GALNT18: variants seen among roughly 807,000 people sequenced by gnomAD.
GALNT18 encodes the protein GalNAc-transferase 18.
A neutral mutation model predicts 69.5 loss-of-function variants in GALNT18; 44 were observed. The ratio of observed to expected loss-of-function variants is 0.63; its 90% confidence interval spans 0.50 to 0.81. The LOEUF is 0.81. Ranked by LOEUF, GALNT18 falls within the 40% of genes least tolerant of loss-of-function variation. The probability of loss-of-function intolerance (pLI) is 0.00; values close to 1 mark genes in which losing one functional copy is unlikely to be tolerated. For missense variants in GALNT18, 715 were observed against 810.0 expected, an observed-to-expected ratio of 0.88 and a Z score of 1.42; for synonymous variants, 364 against 318.2, an observed-to-expected ratio of 1.14 and a Z score of -1.53.
intron 1 of GALNT18, among the ~76,000 whole-genome samples, chr11:11,557,062 G>A (rs936636076): frequency 6.6e-6 from 1 of 152,114 alleles, no homozygotes; most frequent in Admixed American, 6.5e-5. Context: ...CTCAGGACAC[G>A]GGACACTGGA....
rs766859747 is a variant in GALNT18 at position 11,372,936 on chromosome 11, G to T, written c.978-307C>A. Among the ~76,000 whole-genome samples the T allele has an allele frequency of 1.3e-5, 2 of 152,040 alleles. No individual in the cohort carries two copies. The highest frequency in any genetic ancestry group is 1.3e-4 in the Admixed American group (2 of 15,256). On this transcript the variant is annotated intron_variant, in intron 5 of 10. Coordinates refer to ENST00000227756, the MANE Select transcript of GALNT18 (RefSeq NM_198516.3). This position sits in a 1 kb window ranked among gnomAD's most constrained non-coding sequence, Gnocchi z 4.9. ...CCAGTCTAGGTTGACTGTATCTCCC[G>T]CTGCCCTGACCCTGACCTCTGCACA...
Position 11,621,692 on chromosome 11 carries a change from T to G in GALNT18, c.-99A>C, listed in dbSNP as rs555101907. The G allele has an allele frequency of 1.2e-6, 1 of 867,204 alleles. No individual in the cohort carries two copies. The highest frequency in any genetic ancestry group is 1.8e-6 in the Non-Finnish European group (1 of 554,912). The allele number at this position is 867,204 out of a possible 1,614,324, so 53.7% of individuals were successfully genotyped here. On this transcript the variant is annotated 5_prime_UTR_variant, in exon 1 of 11. Coordinates refer to ENST00000227756, the MANE Select transcript of GALNT18 (RefSeq NM_198516.3). This position sits in a 1 kb window ranked among gnomAD's most constrained non-coding sequence, Gnocchi z 9.3. ...CACCCCGTAGCACGTCCGGAGCCGC[T>G]GGGCACCTCAGCACCTGAGTCCCGA...
At chr11:11,334,386 C>CA (rs1481271494) in intron 7 of GALNT18, among the ~76,000 whole-genome samples, 1 of 151,650 alleles carries the variant, frequency 6.6e-6, no homozygotes. Context: ...ACTAAAAATA[C>CA]AAAAAAATTA....
At chr11:11,449,716 C>T (rs1855749100) in intron 1 of GALNT18, among the ~76,000 whole-genome samples, 2 of 152,234 alleles carry the variant, frequency 1.3e-5, no homozygotes, top group African/African-American at 4.8e-5. Flanking sequence ...GTCGTGGATT[C>T]CAGTCAGTGC....
chr11:11,616,503 C>A lies in GALNT18; in HGVS notation c.235+4856G>T, dbSNP rs1860053783. 6.6e-6 allele frequency among the ~76,000 whole-genome samples: 1 copy of A among 152,194 alleles called. No homozygotes were observed. Among genetic ancestry groups the A allele is most frequent in the Admixed American group, 6.5e-5 (1 of 15,280 alleles). On this transcript the variant is annotated intron_variant, in intron 1 of 10. Coordinates refer to ENST00000227756, the MANE Select transcript of GALNT18 (RefSeq NM_198516.3). This position sits in a 1 kb window ranked among gnomAD's most constrained non-coding sequence, Gnocchi z 4.4. ...AGTGAGGTGAAGATGTTCATTTCTGCTCTAATTATAATAGCAAAACAAATG... is the reference window on the plus strand; with the variant it reads ...AGTGAGGTGAAGATGTTCATTTCTGATCTAATTATAATAGCAAAACAAATG...
At chr11:11,352,265 G>A (rs972110944) in intron 6 of GALNT18, 4 of 1,614,094 alleles carry the variant, frequency 2.5e-6, no homozygotes, top group African/African-American at 1.3e-5. Flanking sequence ...TTTCACTGTG[G>A]ACAAAGCGTT....
intron 10 of GALNT18, among the ~76,000 whole-genome samples, chr11:11,273,967 T>C (rs535502124): frequency 6.6e-6 from 1 of 152,280 alleles, no homozygotes; most frequent in Admixed American, 6.5e-5. Flanking sequence ...GATTTCTGCG[T>C]TTCCAACTGA....
chr11:11,395,885 C>T (rs558774256), intron 3 of GALNT18, among the ~76,000 whole-genome samples: 1 of 152,240 alleles, frequency 6.6e-6, no homozygotes, highest in Non-Finnish European at 1.5e-5. Flanking sequence ...GCACACTGAC[C>T]ATGACCACGA....
intron 1 of GALNT18, among the ~76,000 whole-genome samples, chr11:11,477,205 T>C (rs4243930): frequency 0.12 from 18,406 of 152,222 alleles, 1,306 homozygotes; most frequent in African/African-American, 0.18. Flanking sequence ...ATGGAGGGAA[T>C]GCCAGCCTGC....
rs189652684 is a variant in GALNT18 at position 11,279,114 on chromosome 11, C to T, written c.1678-7824G>A. On this transcript the variant is annotated intron_variant, in intron 10 of 10. Coordinates refer to ENST00000227756, the MANE Select transcript of GALNT18 (RefSeq NM_198516.3). Reference sequence around the variant, plus strand: ...GGGCTCTCTCCGCTCTGAGTCTACACGAGAGCTGGTCATTTAAAAGTGTGT... The same window carrying T: ...GGGCTCTCTCCGCTCTGAGTCTACATGAGAGCTGGTCATTTAAAAGTGTGT... Among the ~76,000 whole-genome samples, 861 of 152,278 alleles carry T rather than the reference C, an allele frequency of 5.7e-3. 3 individuals carry two copies. The highest frequency in any genetic ancestry group is 9.3e-3 in the Non-Finnish European group (634 of 68,028).
chr11:11,613,333 G>T lies in GALNT18; in HGVS notation c.235+8026C>A, dbSNP rs1466041238. Among the ~76,000 whole-genome samples the T allele has an allele frequency of 1.3e-5, 2 of 152,228 alleles. No homozygotes were observed. Among genetic ancestry groups the T allele is most frequent in the African/African-American group, 4.8e-5 (2 of 41,454 alleles). On this transcript the variant is annotated intron_variant, in intron 1 of 10. Coordinates refer to ENST00000227756, the MANE Select transcript of GALNT18 (RefSeq NM_198516.3). The surrounding 1 kb of genome is among the most constrained non-coding windows in gnomAD (Gnocchi z 4.2). ...AATCACTGCCACAACATACTGTGCT[G>T]TGGAGCAGTTGTGAGGTAATTAGTG...
chr11:11,610,256 G>A (rs145564729), intron 1 of GALNT18, among the ~76,000 whole-genome samples: 1,669 of 152,298 alleles, frequency 0.011, 36 homozygotes, highest in African/African-American at 0.038. Flanking sequence ...AAAAACAAGA[G>A]GGCCCTTAGC....
rs893871239 is a variant in GALNT18 at position 11,340,381 on chromosome 11, CTGG to C, written c.1278+435_1278+437del. On this transcript the variant is annotated intron_variant, in intron 7 of 10. Coordinates refer to ENST00000227756, the MANE Select transcript of GALNT18 (RefSeq NM_198516.3). This position sits in a 1 kb window ranked among gnomAD's most constrained non-coding sequence, Gnocchi z 4.2. ...GAAAGGCATGTGGATCTTTATAACT[CTGG>C]TCAAAGGTTCAATGGAGAAGTTTGA... 2.0e-5 allele frequency among the ~76,000 whole-genome samples: 3 copies of C among 152,196 alleles called. No homozygotes were observed. Among genetic ancestry groups the C allele is most frequent in the Non-Finnish European group, 4.4e-5 (3 of 68,036 alleles).
chr11:11,274,057 C>T lies in GALNT18; in HGVS notation c.1678-2767G>A, dbSNP rs546460529. On this transcript the variant is annotated intron_variant, in intron 10 of 10. Transcript: ENST00000227756. ...GACAAGCTGAAGCAGGGTGGGTTATCGCCTCACCTGGGAAGTGCAAGGGGT... is the reference window on the plus strand; with the variant it reads ...GACAAGCTGAAGCAGGGTGGGTTATTGCCTCACCTGGGAAGTGCAAGGGGT... Among the ~76,000 whole-genome samples the T allele has an allele frequency of 2.2e-4, 33 of 152,220 alleles. No homozygotes were observed. The South Asian group carries it at 3.3e-3, about 15-fold the overall frequency.
intron 1 of GALNT18, among the ~76,000 whole-genome samples, chr11:11,585,097 C>T (rs940209279): frequency 9.8e-5 from 15 of 152,292 alleles, no homozygotes; most frequent in African/African-American, 3.1e-4. Context: ...GTGAGCTTAT[C>T]CTTTCCAAAT....
At chr11:11,280,775 A>G (rs1487828469) in intron 10 of GALNT18, among the ~76,000 whole-genome samples, 2 of 152,108 alleles carry the variant, frequency 1.3e-5, no homozygotes, top group East Asian at 3.9e-4. Context: ...TAGCCAAGGA[A>G]TTGGCACTTT....
rs147201083 is a variant in GALNT18 at position 11,280,216 on chromosome 11, A to G, written c.1678-8926T>C. ...ACCAAAGAATAAACAGGAAACTGAA[A>G]CAGCAGCTGCTGGGGCCCACTGTTT... is the stretch of plus-strand genomic sequence containing the variant. On this transcript the variant is annotated intron_variant, in intron 10 of 10. Coordinates refer to ENST00000227756, the MANE Select transcript of GALNT18 (RefSeq NM_198516.3). Among the ~76,000 whole-genome samples, 214 of 152,306 alleles carry G rather than the reference A, an allele frequency of 1.4e-3. 2 individuals carry two copies. Among genetic ancestry groups the G allele is most frequent in the Middle Eastern group, 0.01 (3 of 294 alleles).
In GALNT18 at chr11:11,421,787, C is replaced by A. The variant is rs1211972717; in HGVS notation, c.595+10834G>T. Among the ~76,000 whole-genome samples the A allele has an allele frequency of 6.6e-6, 1 of 151,750 alleles. No homozygotes were observed. Among genetic ancestry groups the A allele is most frequent in the Non-Finnish European group, 1.5e-5 (1 of 67,994 alleles). ...AGGTCAGGACTGGCCACGCTGCTAGCACACAGCATCTTGATGTACTTGGCC... is the reference window on the plus strand; with the variant it reads ...AGGTCAGGACTGGCCACGCTGCTAGAACACAGCATCTTGATGTACTTGGCC... On this transcript the variant is annotated intron_variant, in intron 3 of 10. Coordinates refer to ENST00000227756, the MANE Select transcript of GALNT18 (RefSeq NM_198516.3). The surrounding 1 kb of genome is among the most constrained non-coding windows in gnomAD (Gnocchi z 5.6).
chr11:11,443,137 C>T (rs185544152), intron 2 of GALNT18, among the ~76,000 whole-genome samples: 5 of 152,312 alleles, frequency 3.3e-5, no homozygotes, highest in East Asian at 1.9e-4. Context: ...AGGCCGAAGC[C>T]GCAGAACTGG....
Sources: gnomAD v4.1 joint callset for allele counts (sites outside exome capture counted in the v4.1 genomes callset) on GRCh38, gnomAD v4.1.1 for gene constraint, Gnocchi (gnomAD v3.1) non-coding constraint, MANE v1.5 for transcripts, NCBI Gene and HGNC (gene_info 2026-07-23, HGNC 2026-07-21) for gene names.